CAST: variants seen among roughly 807,000 people sequenced by gnomAD.
CAST encodes the protein calpastatin, also known as MIR583 host.
CAST carries 76 observed loss-of-function variants against 119.6 expected under a neutral mutation model. The ratio of observed to expected loss-of-function variants is 0.64; its 90% confidence interval spans 0.53 to 0.77. CAST has a LOEUF of 0.77. Ranked by LOEUF, CAST falls within the 30% of genes least tolerant of loss-of-function variation. The probability of loss-of-function intolerance (pLI) is 0.00; values close to 1 mark genes in which losing one functional copy is unlikely to be tolerated. For synonymous variants in CAST, 319 were observed against 331.6 expected (o/e 0.96, Z 0.41); for missense variants, 953 against 946.5 (o/e 1.01, Z -0.09).
At chr5:96,079,193 C>T in the CAST span, 3 of 454,426 alleles carry the variant, frequency 6.6e-6, no homozygotes, top group South Asian at 4.9e-5. Flanking sequence ...CTTAGCAGTA[C>T]TGGGACCTAC....
chr5:96,534,392 A>G (rs1745743643), intron 1 of CAST, among the ~76,000 whole-genome samples: 2 of 73,690 alleles, frequency 2.7e-5, no homozygotes, highest in South Asian at 1.0e-3. Context: ...GTTTCGGTGA[A>G]GTATAAAAGA....
At chr5:96,144,691 C>T in the CAST span, among the ~76,000 whole-genome samples, 255 of 148,154 alleles carry the variant, frequency 1.7e-3, 2 homozygotes, top group African/African-American at 6.0e-3. Context: ...TTTTTTTAGA[C>T]GGAGTCTCAT....
At chr5:96,182,574 T>C in the CAST span, among the ~76,000 whole-genome samples, 5 of 152,330 alleles carry the variant, frequency 3.3e-5, no homozygotes, top group African/African-American at 1.2e-4. Flanking sequence ...CAAATGATGG[T>C]ATTATATGTC....
At chr5:96,195,518 A>C in the CAST span, among the ~76,000 whole-genome samples, 1 of 152,206 alleles carries the variant, frequency 6.6e-6, no homozygotes, top group Admixed American at 6.5e-5. Flanking sequence ...CAGATTCTAT[A>C]AAATTCTTAA....
intron 3 of CAST, among the ~76,000 whole-genome samples, chr5:96,700,726 G>C (rs758667456): frequency 6.6e-6 from 1 of 151,876 alleles, no homozygotes; most frequent in African/African-American, 2.4e-5. Flanking sequence ...TCGCCGGGGT[G>C]GGGGAAGAGC....
At chr5:96,043,869 G>C in the CAST span, among the ~76,000 whole-genome samples, 1 of 152,164 alleles carries the variant, frequency 6.6e-6, no homozygotes, top group Admixed American at 6.5e-5. Context: ...AATTCTGTCA[G>C]AATGGGAGAA....
At chr5:96,226,972 T>A in the CAST span, among the ~76,000 whole-genome samples, 1 of 152,232 alleles carries the variant, frequency 6.6e-6, no homozygotes, top group Admixed American at 6.5e-5. Context: ...CTTCTGAGTG[T>A]CCACGGTTTC....
upstream of CAST, among the ~76,000 whole-genome samples, chr5:96,659,195 T>G (rs888848115): frequency 6.6e-6 from 1 of 152,046 alleles, no homozygotes; most frequent in African/African-American, 2.4e-5. Context: ...ATGAAAAAGG[T>G]TGAGGTGTTG....
chr5:96,630,327 G>GA (rs1189932003), intron 1 of CAST, among the ~76,000 whole-genome samples: 1 of 152,154 alleles, frequency 6.6e-6, no homozygotes, highest in Non-Finnish European at 1.5e-5. Flanking sequence ...AGTTGGGCCT[G>GA]AAAAATAAGA....
chr5:96,411,846 G>A, the CAST span, among the ~76,000 whole-genome samples: 10 of 152,314 alleles, frequency 6.6e-5, no homozygotes, highest in Non-Finnish European at 8.8e-5. Flanking sequence ...GTCTCACTCT[G>A]TCACCCAGGC....
Position 96,774,336 on chromosome 5 carries a change from G to GAACTC in CAST, c.*1721_*1725dup. 1 of 218,928 alleles carries GAACTC rather than the reference G, an allele frequency of 4.6e-6. No homozygotes were observed. Among genetic ancestry groups the GAACTC allele is most frequent in the Non-Finnish European group, 7.8e-6 (1 of 127,470 alleles). The allele number at this position is 218,928 out of a possible 1,614,324, so 13.6% of individuals were successfully genotyped here. A position where few individuals can be genotyped will look rare whatever the true frequency, so the allele number is the denominator to read the frequency against. ...AAAGTAAACAACATTTATTTAAAAAGAACTCTGAATATGCCTTCTTTTTTA... is the reference window on the plus strand; with the variant it reads ...AAAGTAAACAACATTTATTTAAAAAGAACTCAACTCTGAATATGCCTTCTTTTTTA... On this transcript the variant is annotated 3_prime_UTR_variant, in exon 32 of 32. Transcript: ENST00000675179.
chr5:95,971,281 C>T, the CAST span, among the ~76,000 whole-genome samples: 2 of 152,098 alleles, frequency 1.3e-5, no homozygotes, highest in Non-Finnish European at 2.9e-5. Context: ...TTTACATACT[C>T]ATTGTAAGCA....
the CAST span, among the ~76,000 whole-genome samples, chr5:96,256,836 C>T: frequency 2.8e-4 from 42 of 152,158 alleles, 1 homozygote; most frequent in South Asian, 6.2e-3. Flanking sequence ...ATGTTGTATT[C>T]CCTCTGCAGA....
intron 1 of CAST, among the ~76,000 whole-genome samples, chr5:96,564,752 C>A (rs1188808052): frequency 6.6e-6 from 1 of 152,164 alleles, no homozygotes; most frequent in Non-Finnish European, 1.5e-5. Flanking sequence ...AACCCCATCA[C>A]TACAAAAAAT....
At chr5:96,322,289 C>A in the CAST span, among the ~76,000 whole-genome samples, 1 of 152,110 alleles carries the variant, frequency 6.6e-6, no homozygotes. Flanking sequence ...GCTACAGAGG[C>A]TGGTACGCTG....
At chr5:96,277,286 A>C in the CAST span, among the ~76,000 whole-genome samples, 2 of 152,110 alleles carry the variant, frequency 1.3e-5, no homozygotes, top group Non-Finnish European at 1.5e-5. Context: ...TAGTTGTACT[A>C]ATTTGTTCTT....
At chr5:96,054,863 A>G in the CAST span, among the ~76,000 whole-genome samples, 1 of 152,188 alleles carries the variant, frequency 6.6e-6, no homozygotes, top group Non-Finnish European at 1.5e-5. Flanking sequence ...GGTGTGAATC[A>G]GGGCAAATCA....
chr5:96,632,670 G>GAATAGT (rs58685008), intron 1 of CAST, among the ~76,000 whole-genome samples: 47 of 74,082 alleles, frequency 6.3e-4, no homozygotes, highest in African/African-American at 2.3e-3. Flanking sequence ...TGGTCTCAGC[G>GAATAGT]CTATTTGTCG....
chr5:96,061,637 GTTAT>G, the CAST span, among the ~76,000 whole-genome samples: 1 of 147,650 alleles, frequency 6.8e-6, no homozygotes. Context: ...GTGTGCCCTT[GTTAT>G]TCAGTGTGTG....
Sources: gnomAD v4.1 joint callset for allele counts (sites outside exome capture counted in the v4.1 genomes callset) on GRCh38, gnomAD v4.1.1 for gene constraint, MANE v1.5 for transcripts, NCBI Gene and HGNC (gene_info 2026-07-23, HGNC 2026-07-21) for gene names.